SRBD1: variants seen among roughly 807,000 people sequenced by gnomAD.
SRBD1 encodes the protein S1 RNA binding domain 1.
In SRBD1, 88 loss-of-function variants were observed where a neutral mutation model predicts 115.3. The observed-to-expected ratio is 0.76, with a 90% confidence interval of 0.64 to 0.91. SRBD1 has a LOEUF of 0.91. Among genes scored for constraint, SRBD1 ranks in the 40% least tolerant of loss-of-function variants. The probability of loss-of-function intolerance (pLI) is 0.00; values close to 1 mark genes in which losing one functional copy is unlikely to be tolerated. For missense variants in SRBD1, 1,385 were observed against 1,177.4 expected (o/e 1.18, Z -2.58); for synonymous variants, 509 against 407.7 (o/e 1.25, Z -2.99).
At position 45,571,628 on chromosome 2, in the gene SRBD1, A is replaced by T. The variant is rs1234455703; in HGVS notation, c.1305+1579T>A. Among the ~76,000 whole-genome samples, 3 of 151,988 alleles carry T rather than the reference A, an allele frequency of 2.0e-5. No individual in the cohort carries two copies. In the East Asian group the frequency reaches 5.8e-4, roughly 29 times the overall value. ...TCAATATGCTGAATTCAAGAAAATCATGAACAGAGACCTAAAGAAAGCCAG... is the reference window on the plus strand; with the variant it reads ...TCAATATGCTGAATTCAAGAAAATCTTGAACAGAGACCTAAAGAAAGCCAG... On this transcript the variant is annotated intron_variant, in intron 9 of 20. Transcript: ENST00000263736.
intron 6 of SRBD1, among the ~76,000 whole-genome samples, 198 bp from the exon 7 acceptor site, chr2:45,580,211 T>C (rs1673307638): frequency 6.6e-6 from 1 of 152,246 alleles, no homozygotes; most frequent in African/African-American, 2.4e-5. Flanking sequence ...TCTTATTCTT[T>C]ATATTTTTCT....
At chr2:45,428,835 A>G (rs114050731) in intron 16 of SRBD1, among the ~76,000 whole-genome samples, 6,855 of 152,250 alleles carry the variant, frequency 0.045, 317 homozygotes, top group East Asian at 0.15. Context: ...ACTGAAGGAG[A>G]TACAGATACA....
chr2:45,410,125 T>C (rs931664463), intron 19 of SRBD1, among the ~76,000 whole-genome samples: 5 of 152,108 alleles, frequency 3.3e-5, no homozygotes, highest in East Asian at 1.9e-4. Flanking sequence ...AAAGAAGATA[T>C]AAAAATGGCT....
intron 16 of SRBD1, among the ~76,000 whole-genome samples, chr2:45,463,975 T>C (rs1206311678): frequency 1.3e-5 from 2 of 152,134 alleles, no homozygotes; most frequent in African/African-American, 4.8e-5. Flanking sequence ...CAACAAAGTT[T>C]TTCTTGGATA....
chr2:45,576,571 A>C (rs1673185673), intron 7 of SRBD1, among the ~76,000 whole-genome samples: 1 of 152,230 alleles, frequency 6.6e-6, no homozygotes, highest in Non-Finnish European at 1.5e-5. Flanking sequence ...CCTATGAGGG[A>C]ATTTTCAGTA....
rs368691044 is a variant in SRBD1 at position 45,581,695 on chromosome 2, C to G, written c.931G>C (p.Val311Leu). ...AAAAGATAAAAAGGATTCCTTACCA[C>G]GTGTTCTAGTTCTTCAAAAGTTTTA... ...NCKTFEELEH[V>L]SAPYKTGSKG... The change falls in exon 6 of 21, where the codon GTG (valine) becomes CTG (leucine). Residue 311 changes from valine (V) to leucine (L), a missense_variant and splice_region_variant. By Grantham distance (32) the Val-to-Leu change is conservative. Coordinates refer to ENST00000263736, the MANE Select transcript of SRBD1 (RefSeq NM_018079.5). The G allele has an allele frequency of 6.2e-7, 1 of 1,609,842 alleles. No homozygotes were observed. The highest frequency in any genetic ancestry group is 1.3e-5 in the African/African-American group (1 of 74,676).
chr2:45,593,795 A>T (rs530520197), intron 4 of SRBD1, among the ~76,000 whole-genome samples: 1 of 152,300 alleles, frequency 6.6e-6, no homozygotes, highest in African/African-American at 2.4e-5. Flanking sequence ...TGTATCACTT[A>T]TTCTACTACA....
At chr2:45,538,294 C>G (rs1030493241) in intron 14 of SRBD1, among the ~76,000 whole-genome samples, 1 of 152,206 alleles carries the variant, frequency 6.6e-6, no homozygotes, top group African/African-American at 2.4e-5. Flanking sequence ...TGCAACTGGT[C>G]CCACTTCCTA....
chr2:45,577,192 T>A (rs1156838554), intron 7 of SRBD1, among the ~76,000 whole-genome samples: 1 of 152,238 alleles, frequency 6.6e-6, no homozygotes. Flanking sequence ...GGACACTCTT[T>A]CAAATTACAT....
intron 14 of SRBD1, among the ~76,000 whole-genome samples, chr2:45,545,287 A>AAAAAAAC (rs1672078369): frequency 2.0e-5 from 1 of 49,836 alleles, no homozygotes; most frequent in African/African-American, 6.9e-5. Flanking sequence ...CTCAATTAAA[A>AAAAAAAC]AAAAAAAAAA....
In SRBD1 at chr2:45,389,442, T is replaced by A; in HGVS notation, c.2856A>T (p.Thr952=). 1 of 1,614,102 alleles carries A rather than the reference T, an allele frequency of 6.2e-7. No individual in the cohort carries two copies. Among genetic ancestry groups the A allele is most frequent in the Non-Finnish European group, 8.5e-7 (1 of 1,179,978 alleles). The change falls in exon 21 of 21, where the codon ACA becomes ACT. Residue 952 remains threonine (T), a synonymous_variant. Transcript: ENST00000263736. The part of the protein sequence containing the change: ...KSGLIPIRNV[T]EAKLSKTKKR... ...TCTTTGTTTTTGAAAGTTTTGCTTC[T>A]GTTACATTTCGTATGGGAATCAGCC...
intron 15 of SRBD1, among the ~76,000 whole-genome samples, chr2:45,487,385 T>G (rs1464444805): frequency 6.6e-6 from 1 of 152,144 alleles, no homozygotes; most frequent in Non-Finnish European, 1.5e-5. Context: ...ATTTTGACTC[T>G]TCCACATTAT....
intron 5 of SRBD1, among the ~76,000 whole-genome samples, chr2:45,583,180 C>T (rs576169173): frequency 3.4e-5 from 5 of 147,732 alleles, no homozygotes; most frequent in African/African-American, 1.0e-4. Flanking sequence ...TCAAAATGAT[C>T]GATGGAAAAG....
At chr2:45,521,286 A>AACACACACACACACACACACACACAC (rs71394840) in intron 14 of SRBD1, among the ~76,000 whole-genome samples, 2 of 146,330 alleles carry the variant, frequency 1.4e-5, no homozygotes, top group Admixed American at 1.4e-4. Flanking sequence ...CAAAAAGGAA[A>AACACACACACACACACACACACACAC]ACACACACAC....
intron 5 of SRBD1, among the ~76,000 whole-genome samples, chr2:45,584,673 T>G (rs576890596): frequency 4.6e-5 from 7 of 152,228 alleles, no homozygotes; most frequent in Non-Finnish European, 1.0e-4. Context: ...AATAAATGCA[T>G]AAGCAGTGAA....
At chr2:45,526,928 G>C (rs977819786) in intron 14 of SRBD1, among the ~76,000 whole-genome samples, 3 of 151,826 alleles carry the variant, frequency 2.0e-5, no homozygotes, top group African/African-American at 7.2e-5. Context: ...TGAAAAAGAA[G>C]GGACAGCCAG....
At chr2:45,461,332 G>C (rs888698088) in intron 16 of SRBD1, among the ~76,000 whole-genome samples, 4 of 152,118 alleles carry the variant, frequency 2.6e-5, no homozygotes, top group Non-Finnish European at 5.9e-5. Flanking sequence ...TCTGTTAATG[G>C]TTGGTACTTG....
chr2:45,585,779 A>G lies in SRBD1; in HGVS notation c.649-5T>C, dbSNP rs756290708. ...ATTAGTTCTCTCAGATAAAACCTGC[A>G]AATTAAAGATACTTAGTGATTTAAA... On this transcript the variant is annotated splice_region_variant and splice_polypyrimidine_tract_variant and intron_variant, in intron 4 of 20. Coordinates refer to ENST00000263736, the MANE Select transcript of SRBD1 (RefSeq NM_018079.5). 3 of 1,583,702 alleles carry G rather than the reference A, an allele frequency of 1.9e-6. No individual in the cohort carries two copies. Among genetic ancestry groups the G allele is most frequent in the Non-Finnish European group, 2.6e-6 (3 of 1,171,602 alleles).
In SRBD1 at chr2:45,573,247, T is replaced by C. The variant is rs1220176609; in HGVS notation, c.1265A>G (p.Gln422Arg). The stretch of plus-strand genomic sequence containing the variant: ...GTTTCTTATGTTGCAGGAAAAATGC[T>C]GGTAGAGCAGAAACTTATCAACATC... Reference protein sequence around the residue: ...EKDVDKFLLYQHFSCNIRNIH... With the variant: ...EKDVDKFLLYRHFSCNIRNIH... Residue 422 changes from glutamine to arginine, a missense_variant, in exon 9 of 21, where the codon CAG (glutamine) becomes CGG (arginine). Physicochemically the swap from Gln to Arg is conservative, Grantham distance 43. Coordinates refer to ENST00000263736, the MANE Select transcript of SRBD1 (RefSeq NM_018079.5). The C allele has an allele frequency of 2.5e-6, 4 of 1,611,202 alleles. No individual in the cohort carries two copies. Among genetic ancestry groups the C allele is most frequent in the African/African-American group, 2.7e-5 (2 of 74,760 alleles).
Sources: allele counts gnomAD v4.1 joint callset (sites outside exome capture counted in the v4.1 genomes callset), GRCh38; gene constraint gnomAD v4.1.1; transcripts MANE v1.5; gene names NCBI Gene and HGNC (gene_info 2026-07-23, HGNC 2026-07-21).